Variants in FARS2 observed in about 807,000 individuals in gnomAD.
The protein encoded by FARS2 is phenylalanyl-tRNA synthetase 2, mitochondrial.
In FARS2, 40 loss-of-function variants were observed where a neutral mutation model predicts 46.4. The ratio of observed to expected loss-of-function variants is 0.86; its 90% CI spans 0.67 to 1.12. The LOEUF is 1.12. Among genes scored for constraint, FARS2 ranks in the 50% most tolerant of loss-of-function variants. The pLI is 0.00. For synonymous variants in FARS2, 234 were observed against 214.9 expected (o/e 1.09, Z -0.78); for missense variants, 513 against 567.9 (o/e 0.90, Z 0.98).
At chr6:5,475,859 T>C (rs1766093210) in intron 4 of FARS2, among the ~76,000 whole-genome samples, 1 of 152,148 alleles carries the variant, frequency 6.6e-6, no homozygotes, top group African/African-American at 2.4e-5. Context: ...AGTGGCTTGC[T>C]GTCATGGATG....
At chr6:5,576,826 T>C (rs767201776) in intron 5 of FARS2, among the ~76,000 whole-genome samples, 1 of 151,910 alleles carries the variant, frequency 6.6e-6, no homozygotes, top group African/African-American at 2.4e-5. Context: ...TAGCAATTCC[T>C]TACTATCATT....
At chr6:5,497,744 T>C (rs746689421) in intron 4 of FARS2, among the ~76,000 whole-genome samples, 4 of 152,230 alleles carry the variant, frequency 2.6e-5, no homozygotes. Flanking sequence ...GTGGGTAATT[T>C]TATTATTCTT....
chr6:5,726,795 T>C (rs1041020672), intron 6 of FARS2, among the ~76,000 whole-genome samples: 2 of 152,186 alleles, frequency 1.3e-5, no homozygotes, highest in Non-Finnish European at 2.9e-5. Context: ...CCGCCATCTC[T>C]AGGAATGGAA....
chr6:5,545,064 T>C, intron 4 of FARS2, 116 bp from the exon 5 acceptor site: 1 of 925,450 alleles, frequency 1.1e-6, no homozygotes, highest in East Asian at 2.4e-5. Context: ...GGCTGCCCAG[T>C]GCCTTTGCCC....
intron 6 of FARS2, among the ~76,000 whole-genome samples, chr6:5,692,893 C>G (rs1036532796): frequency 6.6e-6 from 1 of 152,296 alleles, no homozygotes; most frequent in African/African-American, 2.4e-5. Context: ...TGCCAACCCT[C>G]CCAAGCTTCA....
intron 5 of FARS2, among the ~76,000 whole-genome samples, chr6:5,561,655 G>A (rs1238500431): frequency 6.6e-6 from 1 of 152,002 alleles, no homozygotes; most frequent in African/African-American, 2.4e-5. Flanking sequence ...GGTTTATCCT[G>A]CTTAGTATTT....
intron 5 of FARS2, among the ~76,000 whole-genome samples, chr6:5,612,136 A>G (rs1775222721): frequency 6.6e-6 from 1 of 152,208 alleles, no homozygotes; most frequent in Non-Finnish European, 1.5e-5. Context: ...GTGTGTTCTA[A>G]ACTGATGCAT....
chr6:5,462,686 A>G (rs1765307980), intron 4 of FARS2, among the ~76,000 whole-genome samples: 1 of 152,202 alleles, frequency 6.6e-6, no homozygotes, highest in Non-Finnish European at 1.5e-5. Context: ...GAAAATCTGT[A>G]TATAGAACTG....
At chr6:5,743,157 C>T (rs1435844528) in intron 6 of FARS2, among the ~76,000 whole-genome samples, 2 of 152,214 alleles carry the variant, frequency 1.3e-5, no homozygotes, top group Non-Finnish European at 2.9e-5. Context: ...TCTTGGGAAC[C>T]TTTAAGGATG....
At chr6:5,754,927 A>T (rs957117791) in intron 6 of FARS2, among the ~76,000 whole-genome samples, 14 of 152,216 alleles carry the variant, frequency 9.2e-5, no homozygotes, top group Admixed American at 6.5e-4. Context: ...CTGAGTCTGA[A>T]GAGTTCATTA....
intron 5 of FARS2, among the ~76,000 whole-genome samples, chr6:5,551,053 T>C (rs1325785922): frequency 6.6e-6 from 1 of 152,244 alleles, no homozygotes; most frequent in African/African-American, 2.4e-5. Context: ...ATTTCCCAAA[T>C]TATCTAATCT....
chr6:5,566,898 GGAGT>G, intron 5 of FARS2, among the ~76,000 whole-genome samples: 1 of 152,350 alleles, frequency 6.6e-6, no homozygotes, highest in Non-Finnish European at 1.5e-5. Context: ...TATTTTTAAA[GGAGT>G]GATAGGCAGC....
At chr6:5,425,248 G>T (rs1415184975) in intron 3 of FARS2, among the ~76,000 whole-genome samples, 1 of 152,100 alleles carries the variant, frequency 6.6e-6, no homozygotes, top group African/African-American at 2.4e-5. Context: ...TCTAGTTTGG[G>T]CCACTGATCT....
At chr6:5,331,897 A>G (rs1770823609) in intron 1 of FARS2, among the ~76,000 whole-genome samples, 1 of 152,166 alleles carries the variant, frequency 6.6e-6, no homozygotes, top group Non-Finnish European at 1.5e-5. Context: ...ATGATTTCCA[A>G]GAGAACTTGA....
intron 3 of FARS2, among the ~76,000 whole-genome samples, chr6:5,423,667 A>G (rs1025617170): frequency 2.0e-5 from 3 of 152,090 alleles, no homozygotes; most frequent in South Asian, 2.1e-4. Flanking sequence ...GGAGGATTTT[A>G]TTACCCTCTG....
chr6:5,415,229 A>G (rs1365864653), intron 3 of FARS2, among the ~76,000 whole-genome samples: 1 of 150,664 alleles, frequency 6.6e-6, no homozygotes, highest in African/African-American at 2.4e-5. Context: ...AGCACTTGTT[A>G]TAGTCATTGT....
At chr6:5,652,112 G>A (rs1269488658) in intron 6 of FARS2, among the ~76,000 whole-genome samples, 2 of 152,202 alleles carry the variant, frequency 1.3e-5, no homozygotes, top group Non-Finnish European at 2.9e-5. Flanking sequence ...GCACAGGCAT[G>A]GGCAGGAGAT....
intron 1 of FARS2, among the ~76,000 whole-genome samples, chr6:5,350,990 C>T (rs1444307564): frequency 1.3e-5 from 2 of 152,142 alleles, no homozygotes; most frequent in Admixed American, 6.5e-5. Context: ...CTGCCAAATT[C>T]ACTGATAGGT....
chr6:5,562,705 C>A (rs1168940273), intron 5 of FARS2, among the ~76,000 whole-genome samples: 1 of 151,510 alleles, frequency 6.6e-6, no homozygotes, highest in Non-Finnish European at 1.5e-5. Flanking sequence ...TACACACACA[C>A]ACACACACAC....
Sources: allele counts gnomAD v4.1 joint callset (sites outside exome capture counted in the v4.1 genomes callset), GRCh38; gene constraint gnomAD v4.1.1; transcripts MANE v1.5; gene names NCBI Gene and HGNC (gene_info 2026-07-23, HGNC 2026-07-21).